The following DLEC1 variants were observed in gnomAD, a reference collection of about 807,000 sequenced individuals.
DLEC1 encodes the protein DLEC1 cilia and flagella associated protein, also known as deleted in lung and esophageal cancer protein 1.
A neutral mutation model predicts 198.1 loss-of-function variants in DLEC1; 146 were observed. That is an observed-to-expected ratio of 0.74 (90% CI 0.64 to 0.85). The LOEUF (loss-of-function observed/expected upper bound fraction) is 0.85, where lower values mean the gene tolerates loss of function less well. Among genes scored for constraint, DLEC1 ranks in the 40% least tolerant of loss-of-function variants. DLEC1 has a pLI of 0.00. For synonymous variants in DLEC1, 897 were observed against 866.8 expected, an observed-to-expected ratio of 1.03 and a Z score of -0.61; for missense variants, 2,233 against 2,220.0, an observed-to-expected ratio of 1.01 and a Z score of -0.12.
intron 34 of DLEC1, 45 bp downstream of exon 34, chr3:38,120,654 C>G: frequency 6.2e-7 from 1 of 1,609,542 alleles, no homozygotes; most frequent in East Asian, 2.2e-5. Flanking sequence ...TGGAAGTGGG[C>G]TGGGCTGTGT....
At chr3:38,109,772 C>T (rs1275357226) in intron 22 of DLEC1, 1 of 867,640 alleles carries the variant, frequency 1.2e-6, no homozygotes, top group African/African-American at 1.7e-5. Context: ...TCCCCACACA[C>T]ACTTGGAGGC....
chr3:38,065,183 C>T (rs1358724413), intron 6 of DLEC1, among the ~76,000 whole-genome samples: 1 of 152,224 alleles, frequency 6.6e-6, no homozygotes, highest in Non-Finnish European at 1.5e-5. Context: ...CCAAAAAACA[C>T]GAAAACCAGT....
At chr3:38,066,528 G>A (rs771357102) in intron 6 of DLEC1, among the ~76,000 whole-genome samples, 34 of 152,130 alleles carry the variant, frequency 2.2e-4, no homozygotes, top group Admixed American at 5.9e-4. Flanking sequence ...CATCTTAACA[G>A]TATATCCAGT....
chr3:38,109,709 A>T, intron 22 of DLEC1, 147 bp downstream of exon 22: 2 of 1,341,998 alleles, frequency 1.5e-6, no homozygotes, highest in East Asian at 2.5e-5. Flanking sequence ...GCGGCCACTC[A>T]CCACTCCTGT....
intron 6 of DLEC1, among the ~76,000 whole-genome samples, chr3:38,072,169 G>C (rs1697354762): frequency 6.6e-6 from 1 of 152,230 alleles, no homozygotes; most frequent in Non-Finnish European, 1.5e-5. Context: ...TGGGAGGCCA[G>C]ATTGAAGTCC....
chr3:38,108,392 A>G lies in DLEC1; in HGVS notation c.3019-13A>G. 1 of 1,610,720 alleles carries G rather than the reference A, an allele frequency of 6.2e-7. No homozygotes were observed. Among genetic ancestry groups the G allele is most frequent in the Non-Finnish European group, 8.5e-7 (1 of 1,177,344 alleles). On this transcript the variant is annotated splice_polypyrimidine_tract_variant and intron_variant, in intron 20 of 36. Coordinates refer to ENST00000308059, the MANE Select transcript of DLEC1 (RefSeq NM_007335.4). ...CCAGTAAGTGACAACAGGCTCACTC[A>G]TGTGTCTGCCAGCTCCTCGGACACC...
At chr3:38,088,200 A>G (rs958823399) in intron 9 of DLEC1, 96 bp from the exon 10 acceptor site, 38 of 1,121,642 alleles carry the variant, frequency 3.4e-5, no homozygotes, top group South Asian at 1.4e-4. Context: ...GTTCCTTCAC[A>G]TTGCAAAATG....
rs768700366 is a variant in DLEC1, at chr3:38,122,042, T to C, written c.5021-29T>C. ...TGGGAGTACATGGGGCTGCCTGCACTCATGTGTCTTCCCTTCCCTTTGGTG... is the reference window on the plus strand; with the variant it reads ...TGGGAGTACATGGGGCTGCCTGCACCCATGTGTCTTCCCTTCCCTTTGGTG... On this transcript the variant is annotated intron_variant, in intron 35 of 36. Transcript: ENST00000308059. 2.5e-6 allele frequency: 4 copies of C among 1,611,490 alleles called. No homozygotes were observed. The South Asian group carries it at 3.3e-5, about 13-fold the overall frequency.
At chr3:38,072,378 C>T (rs940751205) in intron 6 of DLEC1, among the ~76,000 whole-genome samples, 16 of 152,172 alleles carry the variant, frequency 1.1e-4, no homozygotes, top group East Asian at 1.9e-4. Context: ...AGCCACTGCA[C>T]GGAGACATGA....
chr3:38,087,557 C>A (rs1416264556), intron 9 of DLEC1, among the ~76,000 whole-genome samples: 1 of 150,398 alleles, frequency 6.6e-6, no homozygotes, highest in Non-Finnish European at 1.5e-5. Flanking sequence ...CATGCTCACA[C>A]CATCCATCAG....
chr3:38,039,817 T>C (rs1700570112), intron 1 of DLEC1, among the ~76,000 whole-genome samples, 181 bp downstream of exon 1: 2 of 152,198 alleles, frequency 1.3e-5, no homozygotes, highest in African/African-American at 4.8e-5. Flanking sequence ...TACACACACA[T>C]GCGCAAATAC....
chr3:38,114,474 A>C lies in DLEC1; in HGVS notation c.3785+14A>C. The C allele has an allele frequency of 1.2e-6, 2 of 1,611,874 alleles. No individual in the cohort carries two copies. Among genetic ancestry groups the C allele is most frequent in the Non-Finnish European group, 1.7e-6 (2 of 1,177,968 alleles). On this transcript the variant is annotated intron_variant, in intron 26 of 36. Coordinates refer to ENST00000308059, the MANE Select transcript of DLEC1 (RefSeq NM_007335.4). Reference sequence around the variant, plus strand: ...ACCAGCCATGAGGTGCTCCATGCTCAGCCTGAGCCTCTGCTCCCTGGTAGC... The same window carrying C: ...ACCAGCCATGAGGTGCTCCATGCTCCGCCTGAGCCTCTGCTCCCTGGTAGC...
rs1161412854 is a variant in DLEC1 at position 38,058,532 on chromosome 3, GA to G, written c.563-1205del. On this transcript the variant is annotated intron_variant, in intron 2 of 36. Coordinates refer to ENST00000308059, the MANE Select transcript of DLEC1 (RefSeq NM_007335.4). ...GTGATAATAAAACTGTATAAAAGCT[GA>G]AAAAGTCTTATATTCTTCCTGTTTT... Among the ~76,000 whole-genome samples the G allele has an allele frequency of 4.6e-5, 7 of 152,208 alleles. No homozygotes were observed. The East Asian group carries it at 1.2e-3, about 25-fold the overall frequency.
chr3:38,093,149 T>C (rs1575186769), intron 11 of DLEC1, among the ~76,000 whole-genome samples: 1 of 152,210 alleles, frequency 6.6e-6, no homozygotes, highest in Non-Finnish European at 1.5e-5. Context: ...AAATCTTTCA[T>C]TGTTTCATTT....
intron 19 of DLEC1, among the ~76,000 whole-genome samples, chr3:38,104,325 T>C (rs1479651249): frequency 1.3e-5 from 2 of 151,936 alleles, no homozygotes; most frequent in Admixed American, 6.6e-5. Context: ...GGTGTGGTGG[T>C]GCACACCTGT....
Position 38,093,767 on chromosome 3 carries a change from C to A in DLEC1, c.1919C>A (p.Thr640Lys). 2 of 1,613,820 alleles carry A rather than the reference C, an allele frequency of 1.2e-6. No homozygotes were observed. The highest frequency in any genetic ancestry group is 1.7e-6 in the Non-Finnish European group (2 of 1,179,990). ...ARKQLIIRNA[T>K]HVELAFYWQI... ...AAGCAGCTGATTATTAGAAATGCTACGTGGGTAACCCCTGTGTGTGCCCCA... is the reference window on the plus strand; with the variant it reads ...AAGCAGCTGATTATTAGAAATGCTAAGTGGGTAACCCCTGTGTGTGCCCCA... The change falls in exon 12 of 37, where the codon ACG (threonine) becomes AAG (lysine). Residue 640 changes from threonine to lysine, a missense_variant and splice_region_variant. Thr to Lys is a moderately conservative substitution (Grantham distance 78, BLOSUM62 -1). Coordinates refer to ENST00000308059, the MANE Select transcript of DLEC1 (RefSeq NM_007335.4).
At chr3:38,084,479 G>GGTAGTAGTGGTGGTA (rs1559430446) in intron 7 of DLEC1, among the ~76,000 whole-genome samples, 2 of 4,992 alleles carry the variant, frequency 4.0e-4, no homozygotes, top group Admixed American at 4.0e-3. Flanking sequence ...TGGTGGTGGT[G>GGTAGTAGTGGTGGTA]GTAGTAGTGG....
chr3:38,075,884 G>T (rs1381114947), intron 6 of DLEC1, among the ~76,000 whole-genome samples: 1 of 151,996 alleles, frequency 6.6e-6, no homozygotes, highest in South Asian at 2.1e-4. Flanking sequence ...AGGGGTTGGG[G>T]TACTTGCCCC....
Position 38,107,605 on chromosome 3 carries a change from G to A in DLEC1, c.2886G>A (p.Glu962=), listed in dbSNP as rs757400714. The A allele has an allele frequency of 6.2e-7, 1 of 1,612,272 alleles. No individual in the cohort carries two copies. The highest frequency in any genetic ancestry group is 8.5e-7 in the Non-Finnish European group (1 of 1,179,068). ...CCAGCTACCTTCCTGTGTATGCTGAGGTACAGAAGCCCCATGTGTACCTAC... is the reference window on the plus strand; with the variant it reads ...CCAGCTACCTTCCTGTGTATGCTGAAGTACAGAAGCCCCATGTGTACCTAC... The part of the protein sequence containing the change: ...GAWSYLPVYA[E]VQKPHVYLQS... Residue 962 remains glutamate (E), a synonymous_variant, in exon 20 of 37, where the codon GAG becomes GAA. Coordinates refer to ENST00000308059, the MANE Select transcript of DLEC1 (RefSeq NM_007335.4).
Sources: gnomAD v4.1 joint callset for allele counts (sites outside exome capture counted in the v4.1 genomes callset) on GRCh38, gnomAD v4.1.1 for gene constraint, MANE v1.5 for transcripts, NCBI Gene and HGNC (gene_info 2026-07-23, HGNC 2026-07-21) for gene names.